Variants in PJA2 observed in about 807,000 individuals in gnomAD.
The protein encoded by PJA2 is praja ring finger ubiquitin ligase 2.
PJA2 carries 25 observed loss-of-function variants against 69.3 expected under a neutral mutation model. The ratio of observed to expected loss-of-function variants is 0.36; its 90% CI spans 0.26 to 0.50. The LOEUF (loss-of-function observed/expected upper bound fraction) is 0.50, where lower values mean the gene tolerates loss of function less well. PJA2 is among the 20% of genes least tolerant of loss of function. The pLI, the probability that PJA2 is intolerant of heterozygous loss-of-function variation, is 0.96. For missense variants in PJA2, 809 were observed against 830.2 expected (o/e 0.97, Z 0.31); for synonymous variants, 308 against 277.8 (o/e 1.11, Z -1.08).
chr5:109,407,141 A>G (rs1747712720), intron 1 of PJA2, among the ~76,000 whole-genome samples: 1 of 152,206 alleles, frequency 6.6e-6, no homozygotes, highest in African/African-American at 2.4e-5. Flanking sequence ...GTGGTCACAG[A>G]GCACATATTT....
In PJA2 at chr5:109,383,426, T is replaced by C. The variant is rs1472649253; in HGVS notation, c.8A>G (p.Gln3Arg). ...ACCTGCTGGCTCCTTTTCAGTGTAC[T>C]GTGACATATATGGCAGCGTCTGTGT... is the stretch of plus-strand genomic sequence containing the variant. MSQYTEKEPAAMD... is the reference protein window; with the variant it reads MSRYTEKEPAAMD... Residue 3 changes from glutamine to arginine, a missense_variant, in exon 2 of 10, where the codon CAG becomes CGG. Gln to Arg is a conservative substitution (Grantham distance 43). This residue lies in a region of PJA2 where 700 missense variants were observed against 639.5 expected (regional missense o/e 1.09). Transcript: ENST00000361189. 2.5e-6 allele frequency: 4 copies of C among 1,612,932 alleles called. No individual in the cohort carries two copies. Among genetic ancestry groups the C allele is most frequent in the Non-Finnish European group, 3.4e-6 (4 of 1,179,236 alleles).
chr5:109,391,238 T>A (rs1747274720), intron 1 of PJA2, among the ~76,000 whole-genome samples: 1 of 152,160 alleles, frequency 6.6e-6, no homozygotes, highest in Non-Finnish European at 1.5e-5. Context: ...TCACCCTACA[T>A]GTAAGCCCCA....
intron 4 of PJA2, among the ~76,000 whole-genome samples, chr5:109,374,125 A>G (rs759148065): frequency 3.9e-5 from 6 of 152,250 alleles, no homozygotes; most frequent in Non-Finnish European, 7.3e-5. Flanking sequence ...ATGTCCAAAT[A>G]TATAAGTCTG....
chr5:109,388,702 TG>T (rs1278250748), intron 1 of PJA2, among the ~76,000 whole-genome samples: 1 of 152,186 alleles, frequency 6.6e-6, no homozygotes, highest in African/African-American at 2.4e-5. Context: ...AAATACAATT[TG>T]ATCCTTACTT....
At chr5:109,362,787 G>C in intron 6 of PJA2, 53 bp downstream of exon 6, 2 of 1,442,846 alleles carry the variant, frequency 1.4e-6, no homozygotes, top group African/African-American at 1.4e-5. Context: ...TCATAAATTA[G>C]AATCATGAAC....
chr5:109,391,051 AT>A, intron 1 of PJA2, among the ~76,000 whole-genome samples: 1 of 152,156 alleles, frequency 6.6e-6, no homozygotes, highest in African/African-American at 2.4e-5. Flanking sequence ...TAAAATGAAA[AT>A]ATTATTAAGT....
At chr5:109,377,127 T>G (rs1018455612) in intron 4 of PJA2, among the ~76,000 whole-genome samples, 2 of 152,122 alleles carry the variant, frequency 1.3e-5, no homozygotes, top group African/African-American at 4.8e-5. Context: ...GAAATTATAT[T>G]TTAAATATTT....
chr5:109,388,990 T>C (rs1362744186), intron 1 of PJA2, among the ~76,000 whole-genome samples: 1 of 152,198 alleles, frequency 6.6e-6, no homozygotes, highest in African/African-American at 2.4e-5. Context: ...ATGACAAATG[T>C]TATTAGAAAG....
intron 1 of PJA2, among the ~76,000 whole-genome samples, chr5:109,391,048 A>T (rs774497039): frequency 1.4e-4 from 21 of 152,168 alleles, no homozygotes; most frequent in Non-Finnish European, 5.9e-5. Flanking sequence ...CTGTAAAATG[A>T]AAATATTATT....
At chr5:109,365,573 G>T (rs1024385485) in intron 5 of PJA2, among the ~76,000 whole-genome samples, 14 of 101,484 alleles carry the variant, frequency 1.4e-4, no homozygotes, top group Non-Finnish European at 2.7e-4. Context: ...TTTTATTGTT[G>T]TATGAATCCT....
intron 7 of PJA2, among the ~76,000 whole-genome samples, chr5:109,353,772 CTA>C (rs1158046306): frequency 2.4e-4 from 34 of 139,304 alleles, no homozygotes; most frequent in African/African-American, 7.9e-4. Context: ...CTAGAGATAT[CTA>C]TAGATTAGAT....
intron 7 of PJA2, among the ~76,000 whole-genome samples, chr5:109,346,743 G>C (rs962492187): frequency 6.6e-6 from 1 of 152,214 alleles, no homozygotes; most frequent in African/African-American, 2.4e-5. Context: ...GTGGTTGCCA[G>C]GGGCTGGAAA....
intron 1 of PJA2, among the ~76,000 whole-genome samples, chr5:109,385,582 T>A (rs922614586): frequency 2.0e-5 from 3 of 152,188 alleles, no homozygotes; most frequent in Non-Finnish European, 4.4e-5. Flanking sequence ...AGGAGTCTGG[T>A]GTTGACTGAA....
At position 109,381,047 on chromosome 5, in the gene PJA2, G is replaced by T. The variant is rs567292038; in HGVS notation, c.232+456C>A. On this transcript the variant is annotated intron_variant, in intron 3 of 9. Transcript: ENST00000361189. ...CAAGAATTGTTTGAACCTGGGAGAT[G>T]GAGGTTGCAGTCAGCCAAGATGCAC... 3.3e-5 allele frequency among the ~76,000 whole-genome samples: 5 copies of T among 151,850 alleles called. No homozygotes were observed. In the South Asian group the frequency reaches 1.0e-3, roughly 32 times the overall value.
At chr5:109,352,619 T>C (rs1352030582) in intron 7 of PJA2, among the ~76,000 whole-genome samples, 1 of 152,124 alleles carries the variant, frequency 6.6e-6, no homozygotes, top group Non-Finnish European at 1.5e-5. Context: ...TCTGCTATGG[T>C]TACTTTGAGA....
At position 109,368,582 on chromosome 5, in the gene PJA2, T is replaced by G; in HGVS notation, c.1448A>C (p.Gln483Pro). 1 of 1,613,718 alleles carries G rather than the reference T, an allele frequency of 6.2e-7. No homozygotes were observed. Among genetic ancestry groups the G allele is most frequent in the Non-Finnish European group, 8.5e-7 (1 of 1,179,856 alleles). The change falls in exon 5 of 10, where the codon CAA becomes CCA. Residue 483 changes from glutamine to proline, a missense_variant. Transcript: ENST00000361189. ...SDSSGPEEEN[Q>P]ELSLQEGEQT... ...ATACCCTTCCTGAAGAGATAATTCT[T>G]GGTTTTCTTCTTCAGGGCCACTGCT...
intron 9 of PJA2, among the ~76,000 whole-genome samples, chr5:109,341,272 G>C (rs1453176267): frequency 6.7e-6 from 1 of 148,942 alleles, no homozygotes; most frequent in African/African-American, 2.5e-5. Flanking sequence ...CTGAGATGTG[G>C]GGAGCGCCTC....
intron 4 of PJA2, among the ~76,000 whole-genome samples, chr5:109,377,762 A>C (rs116055999): frequency 0.013 from 1,985 of 152,318 alleles, 50 homozygotes; most frequent in African/African-American, 0.043. Flanking sequence ...GAAGAGCCAC[A>C]GGAAGAACAG....
chr5:109,400,233 G>A (rs1443396863), intron 1 of PJA2, among the ~76,000 whole-genome samples: 1 of 151,496 alleles, frequency 6.6e-6, no homozygotes, highest in African/African-American at 2.4e-5. Flanking sequence ...AGAGGTTGCA[G>A]TGAGCCAAGA....
Sources: allele counts gnomAD v4.1 joint callset (sites outside exome capture counted in the v4.1 genomes callset), GRCh38; gene constraint gnomAD v4.1.1; regional missense constraint gnomAD v4.1.1; transcripts MANE v1.5; gene names NCBI Gene and HGNC (gene_info 2026-07-23, HGNC 2026-07-21).